The following CSMD1 variants were observed in gnomAD, a reference collection of about 807,000 sequenced individuals.
The protein encoded by CSMD1 is CUB and Sushi multiple domains 1.
CSMD1 carries 213 observed loss-of-function variants against 417.5 expected under a neutral mutation model. That is an observed-to-expected ratio of 0.51 (90% CI 0.46 to 0.57). The LOEUF is 0.57. Among genes scored for constraint, CSMD1 ranks in the 20% least tolerant of loss-of-function variants. The pLI, the probability that CSMD1 is intolerant of heterozygous loss-of-function variation, is 0.00. For missense variants in CSMD1, 6,923 were observed against 4,529.7 expected (o/e 1.53, Z -15.17); for synonymous variants, 2,862 against 1,736.8 (o/e 1.65, Z -16.11).
intron 12 of CSMD1, among the ~76,000 whole-genome samples, chr8:3,441,253 C>T (rs1242667795): frequency 2.6e-5 from 4 of 151,986 alleles, no homozygotes; most frequent in African/African-American, 4.8e-5. Context: ...TTGTGGCCTC[C>T]AGAGCTTTGA....
intron 1 of CSMD1, among the ~76,000 whole-genome samples, chr8:4,647,268 A>C: frequency 6.6e-6 from 1 of 151,864 alleles, no homozygotes; most frequent in Non-Finnish European, 1.5e-5. Flanking sequence ...TCTAAAAAAA[A>C]AAATCCGGGA....
intron 6 of CSMD1, among the ~76,000 whole-genome samples, chr8:3,729,992 T>C (rs1802744563): frequency 7.8e-6 from 1 of 128,128 alleles, no homozygotes; most frequent in Non-Finnish European, 1.6e-5. Context: ...CATAATAATG[T>C]TTCAAAAAGT....
At chr8:4,281,509 A>T (rs1290488053) in intron 3 of CSMD1, among the ~76,000 whole-genome samples, 1 of 152,242 alleles carries the variant, frequency 6.6e-6, no homozygotes, top group Non-Finnish European at 1.5e-5. Context: ...TTACTGAAAT[A>T]TCTTATGCAT....
rs907717953 is a variant in CSMD1 at position 3,745,041 on chromosome 8, G to C, written c.931+8889C>G. ...TCCGGGCAGTGAATATTTATCATCTGATGCAAATAATTCAACATGTTAACA... is the reference window on the plus strand; with the variant it reads ...TCCGGGCAGTGAATATTTATCATCTCATGCAAATAATTCAACATGTTAACA... On this transcript the variant is annotated intron_variant, in intron 6 of 69. Coordinates refer to ENST00000635120, the MANE Select transcript of CSMD1 (RefSeq NM_033225.6). Among the ~76,000 whole-genome samples the C allele has an allele frequency of 2.6e-5, 4 of 152,116 alleles. No homozygotes were observed. In the East Asian group the frequency reaches 7.7e-4, roughly 29 times the overall value.
chr8:3,219,286 C>A lies in CSMD1; in HGVS notation c.4641G>T (p.Val1547=), dbSNP rs1269009473. ...ATTCAATGGCGAACCCTGAAAGGCC[C>A]ACGGAGGCATCACTCCGAAATGCCA... ...LFLAFRSDAS[V]GLSGFAIEFK... The change falls in exon 29 of 70, where the codon GTG becomes GTT. Residue 1547 remains valine, a synonymous_variant. Transcript: ENST00000635120. 6.3e-7 allele frequency: 1 copy of A among 1,594,938 alleles called. No individual in the cohort carries two copies.
At chr8:4,175,988 T>C (rs1798017449) in intron 3 of CSMD1, among the ~76,000 whole-genome samples, 1 of 152,160 alleles carries the variant, frequency 6.6e-6, no homozygotes, top group African/African-American at 2.4e-5. Flanking sequence ...GTATTCTCTG[T>C]CCTTGAGAGG....
At chr8:4,262,672 C>T (rs896786232) in intron 3 of CSMD1, among the ~76,000 whole-genome samples, 1 of 152,116 alleles carries the variant, frequency 6.6e-6, no homozygotes, top group African/African-American at 2.4e-5. Flanking sequence ...CGTGCCCAAC[C>T]AGGACCCTCA....
At chr8:4,190,040 C>T (rs1014749444) in intron 3 of CSMD1, among the ~76,000 whole-genome samples, 2 of 151,544 alleles carry the variant, frequency 1.3e-5, no homozygotes, top group Middle Eastern at 3.2e-3. Context: ...AGGTAGAACA[C>T]GAGGTCAGGA....
chr8:3,383,804 A>G (rs1427457174), intron 18 of CSMD1, among the ~76,000 whole-genome samples: 1 of 152,162 alleles, frequency 6.6e-6, no homozygotes, highest in Non-Finnish European at 1.5e-5. Context: ...TAAATATACA[A>G]AAATGTGCTC....
intron 3 of CSMD1, among the ~76,000 whole-genome samples, chr8:4,209,187 T>C (rs1042081550): frequency 6.6e-6 from 1 of 152,172 alleles, no homozygotes; most frequent in Admixed American, 6.5e-5. Context: ...CAGATGTAGG[T>C]GGCTTTATCG....
chr8:2,994,752 T>C (rs1354773897), intron 54 of CSMD1, among the ~76,000 whole-genome samples: 1 of 152,220 alleles, frequency 6.6e-6, no homozygotes, highest in Non-Finnish European at 1.5e-5. Flanking sequence ...TATCATTCAA[T>C]TTTTAATTTT....
At chr8:4,572,891 C>T (rs542054031) in intron 2 of CSMD1, among the ~76,000 whole-genome samples, 2 of 152,236 alleles carry the variant, frequency 1.3e-5, no homozygotes, top group African/African-American at 4.8e-5. Flanking sequence ...GATATCCTTT[C>T]TTCCGCTTGA....
chr8:3,218,121 A>G (rs1309373063), intron 29 of CSMD1, among the ~76,000 whole-genome samples: 1 of 152,200 alleles, frequency 6.6e-6, no homozygotes, highest in East Asian at 1.9e-4. Context: ...GTGGCAGGGA[A>G]TGGTTTATAG....
At chr8:3,974,731 C>G (rs755485751) in intron 5 of CSMD1, among the ~76,000 whole-genome samples, 16 of 151,484 alleles carry the variant, frequency 1.1e-4, no homozygotes, top group Non-Finnish European at 2.1e-4. Context: ...ACAGAACAGG[C>G]AAAACTAAAT....
intron 5 of CSMD1, among the ~76,000 whole-genome samples, chr8:3,964,603 T>C (rs995190882): frequency 6.6e-6 from 1 of 152,188 alleles, no homozygotes; most frequent in Admixed American, 6.5e-5. Context: ...TAAATCCCAA[T>C]TGTAATGTTT....
intron 27 of CSMD1, among the ~76,000 whole-genome samples, chr8:3,225,391 C>CT (rs113674126): frequency 0.27 from 39,658 of 145,530 alleles, 5,187 homozygotes; most frequent in East Asian, 0.31. Flanking sequence ...CCCAGTATGA[C>CT]TTTTTTTTTT....
intron 3 of CSMD1, among the ~76,000 whole-genome samples, chr8:4,041,200 G>A (rs1230748942): frequency 1.3e-5 from 2 of 151,608 alleles, no homozygotes; most frequent in African/African-American, 4.8e-5. Context: ...TGTATTTTTG[G>A]TAGAGACGGG....
intron 3 of CSMD1, among the ~76,000 whole-genome samples, chr8:4,091,305 A>C (rs543570292): frequency 6.6e-6 from 1 of 152,174 alleles, no homozygotes; most frequent in Non-Finnish European, 1.5e-5. Flanking sequence ...TAAAATTCTG[A>C]TTCAATAAAT....
chr8:4,322,968 G>C (rs964134630), intron 3 of CSMD1, among the ~76,000 whole-genome samples: 1 of 152,326 alleles, frequency 6.6e-6, no homozygotes, highest in Admixed American at 6.5e-5. Flanking sequence ...CTGGGTGACA[G>C]AGCGAGACTC....
Sources: gnomAD v4.1 joint callset for allele counts (sites outside exome capture counted in the v4.1 genomes callset) on GRCh38, gnomAD v4.1.1 for gene constraint, MANE v1.5 for transcripts, NCBI Gene and HGNC (gene_info 2026-07-23, HGNC 2026-07-21) for gene names.